DMRTA2: variants seen among roughly 807,000 people sequenced by gnomAD.
DMRTA2 encodes DMRT like family A2, also known as doublesex- and mab-3-related transcription factor A2.
Under a neutral mutation model 29.7 loss-of-function variants are expected in DMRTA2, and 10 were observed. That is an observed-to-expected ratio of 0.34 (90% CI 0.21 to 0.57). The LOEUF (loss-of-function observed/expected upper bound fraction) is 0.57, where lower values mean the gene tolerates loss of function less well. Ranked by LOEUF, DMRTA2 falls within the 20% of genes least tolerant of loss-of-function variation. The probability of loss-of-function intolerance (pLI) is 0.87; values close to 1 mark genes in which losing one functional copy is unlikely to be tolerated. For synonymous variants in DMRTA2, 469 were observed against 402.6 expected, an observed-to-expected ratio of 1.16 and a Z score of -1.97; for missense variants, 783 against 812.1, an observed-to-expected ratio of 0.96 and a Z score of 0.44.
rs1646031382 is a variant in DMRTA2, at chr1:50,420,814, T to A, written c.559+164A>T. On this transcript the variant is annotated intron_variant, in intron 2 of 2. Coordinates refer to ENST00000404795, the MANE Select transcript of DMRTA2 (RefSeq NM_032110.3). The surrounding 1 kb of genome is among the most constrained non-coding windows in gnomAD (Gnocchi z 4.1). Reference sequence around the variant, plus strand: ...CAGAAGCGGGAGAAAGGAGAGTTTCTGTACCCACGCTCCATACCCGAGGCT... The same window carrying A: ...CAGAAGCGGGAGAAAGGAGAGTTTCAGTACCCACGCTCCATACCCGAGGCT... 1.3e-5 allele frequency among the ~76,000 whole-genome samples: 2 copies of A among 152,226 alleles called. No individual in the cohort carries two copies. Among genetic ancestry groups the A allele is most frequent in the Non-Finnish European group, 2.9e-5 (2 of 68,030 alleles).
Position 50,418,555 on chromosome 1 carries a change from G to A in DMRTA2, c.*110C>T. On this transcript the variant is annotated 3_prime_UTR_variant, in exon 3 of 3. Coordinates refer to ENST00000404795, the MANE Select transcript of DMRTA2 (RefSeq NM_032110.3). ...CCCAAAAACCACCTTAGAGTGAGAA[G>A]ACGCCCAGCCAGGGCGCAGAGAGAG... The A allele has an allele frequency of 1.1e-6, 1 of 948,832 alleles. No individual in the cohort carries two copies. 58.8% of individuals were successfully genotyped at this position (948,832 alleles called of 1,614,324 possible).
In DMRTA2 at chr1:50,418,778, T is replaced by C; in HGVS notation, c.1516A>G (p.Ser506Gly). 1 of 1,586,446 alleles carries C rather than the reference T, an allele frequency of 6.3e-7. No homozygotes were observed. Residue 506 changes from serine to glycine, a missense_variant, in exon 3 of 3, where the codon AGC (serine) becomes GGC (glycine). Ser to Gly is a moderately conservative substitution (Grantham distance 56). This residue lies in a region of DMRTA2 where 667 missense variants were observed against 624.8 expected (regional missense o/e 1.07). Transcript: ENST00000404795. The part of the protein sequence containing the change: ...GFRPPMDYAF[S>G]DLMRDRSAAA... ...GCCGAGCGGTCACGCATGAGATCGC[T>C]AAAGGCGTAGTCCATGGGTGGGCGG... is the stretch of plus-strand genomic sequence containing the variant.
Position 50,421,269 on chromosome 1 carries a change from G to A in DMRTA2, c.268C>T (p.Arg90Cys), listed in dbSNP as rs1304188031. Residue 90 changes from arginine (R) to cysteine (C), a missense_variant, in exon 2 of 3, where the codon CGC (arginine) becomes TGC (cysteine). Physicochemically the swap from Arg to Cys is radical, Grantham distance 180. Around this residue, in one of 3 missense-constraint regions of DMRTA2, gnomAD observed 76 missense variants for 152.6 expected, o/e 0.50. Coordinates refer to ENST00000404795, the MANE Select transcript of DMRTA2 (RefSeq NM_032110.3). This position sits in a 1 kb window ranked among gnomAD's most constrained non-coding sequence, Gnocchi z 8.7. ...SALKGHKRYC[R>C]WKDCLCAKCT... ...TTGGCGCACAGGCAGTCCTTCCAGCGACAGTAGCGTTTGTGGCCCTTGAGG... is the reference window on the plus strand; with the variant it reads ...TTGGCGCACAGGCAGTCCTTCCAGCAACAGTAGCGTTTGTGGCCCTTGAGG... 4 of 1,537,928 alleles carry A rather than the reference G, an allele frequency of 2.6e-6. No individual in the cohort carries two copies. Among genetic ancestry groups the A allele is most frequent in the Admixed American group, 4.0e-5 (2 of 50,432 alleles).
chr1:50,423,409 G>A lies in DMRTA2; in HGVS notation c.-302C>T, dbSNP rs1646053778. On this transcript the variant is annotated 5_prime_UTR_variant, in exon 1 of 3. Transcript: ENST00000404795. Reference sequence around the variant, plus strand: ...TGCGCGCCGGACGCTGCGCGCAGCCGGGGCCCAGTTGCCCGGCGCTGCCAG... The same window carrying A: ...TGCGCGCCGGACGCTGCGCGCAGCCAGGGCCCAGTTGCCCGGCGCTGCCAG... 6.6e-6 allele frequency: 1 copy of A among 152,230 alleles called. No homozygotes were observed. 9.4% of individuals were successfully genotyped at this position (152,230 alleles called of 1,614,324 possible). A position where few individuals can be genotyped will look rare whatever the true frequency, so the allele number is the denominator to read the frequency against.
Position 50,421,131 on chromosome 1 carries a change from C to A in DMRTA2, c.406G>T (p.Ala136Ser). 1 of 1,529,558 alleles carries A rather than the reference C, an allele frequency of 6.5e-7. No homozygotes were observed. Among genetic ancestry groups the A allele is most frequent in the Non-Finnish European group, 8.8e-7 (1 of 1,141,494 alleles). The allele number at this position is 1,529,558 out of a possible 1,614,324, so 94.7% of individuals were successfully genotyped here. ...ARELQLLYGT[A>S]EGLALAAANG... ...GCGGCGGCCAGCGCCAGCCCCTCGG[C>A]AGTGCCGTAGAGCAGCTGCAGCTCG... Residue 136 changes from alanine (A) to serine (S), a missense_variant, in exon 2 of 3, where the codon GCC becomes TCC. By Grantham distance (99) the Ala-to-Ser change is moderately conservative. Around this residue, in one of 3 missense-constraint regions of DMRTA2, gnomAD observed 667 missense variants for 624.8 expected, o/e 1.07. Transcript: ENST00000404795. The surrounding 1 kb of genome is among the most constrained non-coding windows in gnomAD (Gnocchi z 8.7).
In DMRTA2 at chr1:50,422,523, T is replaced by C. The variant is rs377746196; in HGVS notation, c.-9+593A>G. 9.2e-5 allele frequency among the ~76,000 whole-genome samples: 14 copies of C among 152,204 alleles called. No individual in the cohort carries two copies. The South Asian group carries it at 1.2e-3, about 14-fold the overall frequency. On this transcript the variant is annotated intron_variant, in intron 1 of 2. Coordinates refer to ENST00000404795, the MANE Select transcript of DMRTA2 (RefSeq NM_032110.3). The surrounding 1 kb of genome is among the most constrained non-coding windows in gnomAD (Gnocchi z 5.7). ...GCAAATGCTGGGGGAGGGGATTGGGTAAAACCTGTGGTGCAGTTTTTTAGC... is the reference window on the plus strand; with the variant it reads ...GCAAATGCTGGGGGAGGGGATTGGGCAAAACCTGTGGTGCAGTTTTTTAGC...
chr1:50,418,656 C>T lies in DMRTA2; in HGVS notation c.*9G>A. The T allele has an allele frequency of 1.4e-6, 2 of 1,384,702 alleles. No individual in the cohort carries two copies. Among genetic ancestry groups the T allele is most frequent in the Non-Finnish European group, 1.9e-6 (2 of 1,066,722 alleles). 85.8% of individuals were successfully genotyped at this position (1,384,702 alleles called of 1,614,324 possible). A position where few individuals can be genotyped will look rare whatever the true frequency, so the allele number is the denominator to read the frequency against. On this transcript the variant is annotated 3_prime_UTR_variant, in exon 3 of 3. Transcript: ENST00000404795. The stretch of plus-strand genomic sequence containing the variant: ...GTTTGGGGACCGGCCGGCTGCCAGG[C>T]CCCTCGCCCTACTGCTTCTCCGGAG...
chr1:50,418,927 G>C lies in DMRTA2; in HGVS notation c.1367C>G (p.Pro456Arg). ...SHFGADAGAY[P>R]LGAPLGLSPL... ...GCTGAGGCCGAGCGGCGCGCCCAGCGGGTAGGCGCCCGCGTCGGCACCGAA... is the reference window on the plus strand; with the variant it reads ...GCTGAGGCCGAGCGGCGCGCCCAGCCGGTAGGCGCCCGCGTCGGCACCGAA... Residue 456 changes from proline to arginine, a missense_variant, in exon 3 of 3, where the codon CCG becomes CGG. Pro to Arg is a moderately radical substitution (Grantham distance 103). Coordinates refer to ENST00000404795, the MANE Select transcript of DMRTA2 (RefSeq NM_032110.3). 3.5e-6 allele frequency: 5 copies of C among 1,438,620 alleles called. No individual in the cohort carries two copies. The highest frequency in any genetic ancestry group is 3.0e-5 in the East Asian group (1 of 33,588). 89.1% of individuals were successfully genotyped at this position (1,438,620 alleles called of 1,614,324 possible). A position where few individuals can be genotyped will look rare whatever the true frequency, so the allele number is the denominator to read the frequency against.
In DMRTA2 at chr1:50,420,833, C is replaced by T; in HGVS notation, c.559+145G>A. 7.8e-7 allele frequency: 1 copy of T among 1,276,632 alleles called. No homozygotes were observed. Among genetic ancestry groups the T allele is most frequent in the Non-Finnish European group, 1.0e-6 (1 of 986,058 alleles). The allele number at this position is 1,276,632 out of a possible 1,614,324, so 79.1% of individuals were successfully genotyped here. ...AGTTTCTGTACCCACGCTCCATACC[C>T]GAGGCTGGGCGAGCGGTGAACCCTA... is the stretch of plus-strand genomic sequence containing the variant. On this transcript the variant is annotated intron_variant, in intron 2 of 2. Transcript: ENST00000404795. The surrounding 1 kb of genome is among the most constrained non-coding windows in gnomAD (Gnocchi z 4.1).
Position 50,418,935 on chromosome 1 carries a change from G to C in DMRTA2, c.1359C>G (p.Gly453=). The change falls in exon 3 of 3, where the codon GGC becomes GGG. Residue 453 remains glycine (G), a synonymous_variant. Coordinates refer to ENST00000404795, the MANE Select transcript of DMRTA2 (RefSeq NM_032110.3). The part of the protein sequence containing the change: ...PNASHFGADA[G]AYPLGAPLGL... Reference sequence around the variant, plus strand: ...CGAGCGGCGCGCCCAGCGGGTAGGCGCCCGCGTCGGCACCGAAGTGACTGG... The same window carrying C: ...CGAGCGGCGCGCCCAGCGGGTAGGCCCCCGCGTCGGCACCGAAGTGACTGG... 1 of 1,437,968 alleles carries C rather than the reference G, an allele frequency of 7.0e-7. No individual in the cohort carries two copies. The allele number at this position is 1,437,968 out of a possible 1,614,324, so 89.1% of individuals were successfully genotyped here. A position where few individuals can be genotyped will look rare whatever the true frequency, so the allele number is the denominator to read the frequency against.
Position 50,421,324 on chromosome 1 carries a change from C to A in DMRTA2, c.213G>T (p.Ala71=), listed in dbSNP as rs1010004787. ...AEKYPRTPKC[A]RCRNHGVVSA... ...ACACCACGCCATGGTTGCGACAGCG[C>A]GCGCACTTGGGGGTCCGCGGGTACT... Residue 71 remains alanine, a synonymous_variant, in exon 2 of 3, where the codon GCG becomes GCT. Coordinates refer to ENST00000404795, the MANE Select transcript of DMRTA2 (RefSeq NM_032110.3). The surrounding 1 kb of genome is among the most constrained non-coding windows in gnomAD (Gnocchi z 8.7). The A allele has an allele frequency of 6.5e-6, 10 of 1,529,552 alleles. No individual in the cohort carries two copies. Among genetic ancestry groups the A allele is most frequent in the Non-Finnish European group, 8.8e-6 (10 of 1,138,168 alleles). The allele number at this position is 1,529,552 out of a possible 1,614,324, so 94.7% of individuals were successfully genotyped here.
rs1646023415 is a variant in DMRTA2 at position 50,419,823 on chromosome 1, C to T, written c.560-89G>A. The T allele has an allele frequency of 1.1e-5, 13 of 1,136,526 alleles. No individual in the cohort carries two copies. The highest frequency in any genetic ancestry group is 1.4e-5 in the Non-Finnish European group (12 of 836,866). 70.4% of individuals were successfully genotyped at this position (1,136,526 alleles called of 1,614,324 possible). A position where few individuals can be genotyped will look rare whatever the true frequency, so the allele number is the denominator to read the frequency against. ...GGCCCTTTGGATCTCAGTTTCCTCT[C>T]CCTCAGCCCCACAGCCCTTATTCAC... On this transcript the variant is annotated intron_variant, in intron 2 of 2. Coordinates refer to ENST00000404795, the MANE Select transcript of DMRTA2 (RefSeq NM_032110.3). The surrounding 1 kb of genome is among the most constrained non-coding windows in gnomAD (Gnocchi z 6.1).
At position 50,419,399 on chromosome 1, in the gene DMRTA2, C is replaced by T; in HGVS notation, c.895G>A (p.Ala299Thr). 6.3e-7 allele frequency: 1 copy of T among 1,597,344 alleles called. No homozygotes were observed. The highest frequency in any genetic ancestry group is 8.5e-7 in the Non-Finnish European group (1 of 1,179,108). Residue 299 changes from alanine (A) to threonine (T), a missense_variant, in exon 3 of 3, where the codon GCC (alanine) becomes ACC (threonine). Ala to Thr is a moderately conservative substitution (Grantham distance 58, BLOSUM62 0). This residue lies in a region of DMRTA2 where 667 missense variants were observed against 624.8 expected (regional missense o/e 1.07). Coordinates refer to ENST00000404795, the MANE Select transcript of DMRTA2 (RefSeq NM_032110.3). The surrounding 1 kb of genome is among the most constrained non-coding windows in gnomAD (Gnocchi z 6.1). Reference protein sequence around the residue: ...GSEADKEEGEAAPAPGLGGGS... With the variant: ...GSEADKEEGETAPAPGLGGGS... Reference sequence around the variant, plus strand: ...CCGCCCAGCCCTGGCGCCGGCGCGGCCTCACCCTCTTCTTTGTCAGCCTCT... The same window carrying T: ...CCGCCCAGCCCTGGCGCCGGCGCGGTCTCACCCTCTTCTTTGTCAGCCTCT...
In DMRTA2 at chr1:50,422,979, ACCT is replaced by A. The variant is rs952992340; in HGVS notation, c.-9+134_-9+136del. 3.9e-5 allele frequency: 6 copies of A among 152,126 alleles called. No individual in the cohort carries two copies. Among genetic ancestry groups the A allele is most frequent in the African/African-American group, 1.5e-4 (6 of 41,308 alleles). 9.4% of individuals were successfully genotyped at this position (152,126 alleles called of 1,614,324 possible). On this transcript the variant is annotated intron_variant, in intron 1 of 2. Coordinates refer to ENST00000404795, the MANE Select transcript of DMRTA2 (RefSeq NM_032110.3). The surrounding 1 kb of genome is among the most constrained non-coding windows in gnomAD (Gnocchi z 5.7). ...TTGTGTCTCCGTCCGAGAGTCCCAG[ACCT>A]CCTCTCTATGAGCGTTGCCTCCTCT...
chr1:50,422,465 G>T lies in DMRTA2; in HGVS notation c.-9+651C>A, dbSNP rs2148966223. ...GTCCGGGATCCAGGGGCCGCGCCTG[G>T]GAGAGGGGAATGTGTAAGAAAAAAC... On this transcript the variant is annotated intron_variant, in intron 1 of 2. Transcript: ENST00000404795. This position sits in a 1 kb window ranked among gnomAD's most constrained non-coding sequence, Gnocchi z 5.7. 6.6e-6 allele frequency among the ~76,000 whole-genome samples: 1 copy of T among 152,250 alleles called. No individual in the cohort carries two copies. Among genetic ancestry groups the T allele is most frequent in the Non-Finnish European group, 1.5e-5 (1 of 68,018 alleles).
chr1:50,421,277 C>T lies in DMRTA2; in HGVS notation c.260G>A (p.Arg87His), dbSNP rs1313466893. 6.5e-7 allele frequency: 1 copy of T among 1,536,060 alleles called. No individual in the cohort carries two copies. The highest frequency in any genetic ancestry group is 8.8e-7 in the Non-Finnish European group (1 of 1,140,732). The part of the protein sequence containing the change: ...GVVSALKGHK[R>H]YCRWKDCLCA... ...CAGGCAGTCCTTCCAGCGACAGTAG[C>T]GTTTGTGGCCCTTGAGGGCCGACAC... Residue 87 changes from arginine (R) to histidine (H), a missense_variant, in exon 2 of 3, where the codon CGC (arginine) becomes CAC (histidine). Physicochemically the swap from Arg to His is conservative, Grantham distance 29. Coordinates refer to ENST00000404795, the MANE Select transcript of DMRTA2 (RefSeq NM_032110.3). This position sits in a 1 kb window ranked among gnomAD's most constrained non-coding sequence, Gnocchi z 8.7.
rs1015142583 is a variant in DMRTA2 at position 50,421,066 on chromosome 1, G to A, written c.471C>T (p.Phe157=). The A allele has an allele frequency of 1.3e-6, 2 of 1,520,818 alleles. No homozygotes were observed. The highest frequency in any genetic ancestry group is 1.4e-5 in the African/African-American group (1 of 69,974). The allele number at this position is 1,520,818 out of a possible 1,614,324, so 94.2% of individuals were successfully genotyped here. A position where few individuals can be genotyped will look rare whatever the true frequency, so the allele number is the denominator to read the frequency against. The change falls in exon 2 of 3, where the codon TTC becomes TTT. Residue 157 remains phenylalanine (F), a synonymous_variant. Coordinates refer to ENST00000404795, the MANE Select transcript of DMRTA2 (RefSeq NM_032110.3). This position sits in a 1 kb window ranked among gnomAD's most constrained non-coding sequence, Gnocchi z 8.7. ...CGCCGTCGGCGGCGCACACTGAACCGAAGACCTCGTAGGCGGGCCTCGGGG... is the reference window on the plus strand; with the variant it reads ...CGCCGTCGGCGGCGCACACTGAACCAAAGACCTCGTAGGCGGGCCTCGGGG... ...IIPPRPAYEV[F]GSVCAADGGG...
At position 50,419,267 on chromosome 1, in the gene DMRTA2, C is replaced by G. The variant is rs1266361093; in HGVS notation, c.1027G>C (p.Val343Leu). 6.3e-7 allele frequency: 1 copy of G among 1,588,530 alleles called. No individual in the cohort carries two copies. The highest frequency in any genetic ancestry group is 8.5e-7 in the Non-Finnish European group (1 of 1,175,846). ...AGCACCTGCTCGATGGCCTGCACCA[C>G]GTCGCCGCCGCAGCCCTGCAACACC... The part of the protein sequence containing the change: ...ELVLQGCGGD[V>L]VQAIEQVLNH... Residue 343 changes from valine to leucine, a missense_variant, in exon 3 of 3, where the codon GTG (valine) becomes CTG (leucine). Around this residue, in one of 3 missense-constraint regions of DMRTA2, gnomAD observed 667 missense variants for 624.8 expected, o/e 1.07. Transcript: ENST00000404795. The surrounding 1 kb of genome is among the most constrained non-coding windows in gnomAD (Gnocchi z 6.1).
rs766835079 is a variant in DMRTA2, at chr1:50,421,105, G to T, written c.432C>A (p.Ala144=). 4.6e-6 allele frequency: 7 copies of T among 1,524,862 alleles called. No individual in the cohort carries two copies. In the South Asian group the frequency reaches 8.5e-5, roughly 18 times the overall value. 94.5% of individuals were successfully genotyped at this position (1,524,862 alleles called of 1,614,324 possible). Reference sequence around the variant, plus strand: ...CGGGCCTCGGGGGGATGATGCCGTTGGCGGCGGCCAGCGCCAGCCCCTCGG... The same window carrying T: ...CGGGCCTCGGGGGGATGATGCCGTTTGCGGCGGCCAGCGCCAGCCCCTCGG... ...GTAEGLALAA[A]NGIIPPRPAY... is the part of the protein sequence containing the mutation. Residue 144 remains alanine, a synonymous_variant, in exon 2 of 3, where the codon GCC becomes GCA. Transcript: ENST00000404795. This position sits in a 1 kb window ranked among gnomAD's most constrained non-coding sequence, Gnocchi z 8.7.
Sources: allele counts gnomAD v4.1 joint callset (sites outside exome capture counted in the v4.1 genomes callset), GRCh38; gene constraint gnomAD v4.1.1; regional missense constraint gnomAD v4.1.1; non-coding constraint Gnocchi (gnomAD v3.1); transcripts MANE v1.5; gene names NCBI Gene and HGNC (gene_info 2026-07-23, HGNC 2026-07-21).